Variants in PTPN20 observed in about 807,000 individuals in gnomAD.
PTPN20 encodes tyrosine-protein phosphatase non-receptor type 20.
In PTPN20, 9 loss-of-function variants were observed where a neutral mutation model predicts 35.0. The ratio of observed to expected loss-of-function variants is 0.26; its 90% CI spans 0.15 to 0.45. The LOEUF (loss-of-function observed/expected upper bound fraction) is 0.45, where lower values mean the gene tolerates loss of function less well. Among genes scored for constraint, PTPN20 ranks in the 20% least tolerant of loss-of-function variants. The pLI is 1.00. For missense variants in PTPN20, 111 were observed against 312.5 expected (o/e 0.36, Z 4.86); for synonymous variants, 32 against 100.2 (o/e 0.32, Z 4.06).
chr10:46,947,528 AT>A (rs2045300213), intron 5 of PTPN20, among the ~76,000 whole-genome samples: 4 of 150,444 alleles, frequency 2.7e-5, no homozygotes, highest in African/African-American at 9.8e-5. Flanking sequence ...ATACAGTAAA[AT>A]TCACCCTTTT....
intron 9 of PTPN20, among the ~76,000 whole-genome samples, chr10:46,989,024 G>A (rs1394539977): frequency 8.1e-6 from 1 of 123,194 alleles, no homozygotes; most frequent in Non-Finnish European, 1.7e-5. Flanking sequence ...AGTTTTGGGG[G>A]ATATATATAT....
chr10:46,959,038 T>C (rs1217993787), intron 5 of PTPN20, among the ~76,000 whole-genome samples: 1 of 145,436 alleles, frequency 6.9e-6, no homozygotes, highest in Non-Finnish European at 1.5e-5. Context: ...ACTTTGTTTA[T>C]TATATTGTTC....
intron 4 of PTPN20, among the ~76,000 whole-genome samples, chr10:46,945,768 CAA>C (rs1363793753): frequency 3.4e-5 from 5 of 149,246 alleles, no homozygotes; most frequent in Non-Finnish European, 3.0e-5. Context: ...GCAAAGGAAA[CAA>C]AGTGGGTATG....
In PTPN20 at chr10:46,948,957, G is replaced by A. The variant is rs1463352237; in HGVS notation, c.340+2282G>A. Among the ~76,000 whole-genome samples, 8 of 150,110 alleles carry A rather than the reference G, an allele frequency of 5.3e-5. No individual in the cohort carries two copies. In the East Asian group the frequency reaches 1.2e-3, roughly 22 times the overall value. On this transcript the variant is annotated intron_variant, in intron 5 of 10. Coordinates refer to ENST00000374339, the MANE Select transcript of PTPN20 (RefSeq NM_001042357.5). Reference sequence around the variant, plus strand: ...CACTTAGTGTAGTGGTAGGAGTTTTGTAATAATAATGGCATTAAATCCTGG... The same window carrying A: ...CACTTAGTGTAGTGGTAGGAGTTTTATAATAATAATGGCATTAAATCCTGG...
At chr10:46,941,986 A>C (rs2043675162) in intron 3 of PTPN20, among the ~76,000 whole-genome samples, 1 of 54,806 alleles carries the variant, frequency 1.8e-5, no homozygotes, top group Non-Finnish European at 3.2e-5. Flanking sequence ...AGCATAAAGA[A>C]ATTTTTTTTT....
In PTPN20 at chr10:47,000,666, A is replaced by G. The variant is rs2059938205; in HGVS notation, c.1198-10A>G. 4.3e-6 allele frequency: 7 copies of G among 1,613,066 alleles called. No individual in the cohort carries two copies. The highest frequency in any genetic ancestry group is 1.3e-5 in the African/African-American group (1 of 74,976). On this transcript the variant is annotated splice_polypyrimidine_tract_variant and intron_variant, in intron 10 of 10. Coordinates refer to ENST00000374339, the MANE Select transcript of PTPN20 (RefSeq NM_001042357.5). ...TAACATTCTGTTGTTTTTTATATAT[A>G]TGTATATAGGAGCAGTATCACTTTT...
chr10:46,985,265 A>G (rs2056669367), intron 8 of PTPN20, among the ~76,000 whole-genome samples: 1 of 150,216 alleles, frequency 6.7e-6, no homozygotes, highest in South Asian at 2.1e-4. Context: ...TCAGCTAAGT[A>G]GCATGAACTT....
intron 7 of PTPN20, among the ~76,000 whole-genome samples, chr10:46,976,529 T>G (rs1448992187): frequency 8.7e-5 from 9 of 102,900 alleles, no homozygotes; most frequent in African/African-American, 2.9e-4. Context: ...CTTCCAGTGT[T>G]TTAGATGAGA....
intron 5 of PTPN20, among the ~76,000 whole-genome samples, chr10:46,950,812 T>C (rs1159178059): frequency 1.3e-5 from 2 of 152,082 alleles, no homozygotes; most frequent in African/African-American, 4.8e-5. Context: ...ACAGATTTTC[T>C]GTTTAAAGTT....
chr10:46,960,482 T>C (rs2049651354), intron 5 of PTPN20, among the ~76,000 whole-genome samples: 2 of 149,774 alleles, frequency 1.3e-5, no homozygotes, highest in South Asian at 4.4e-4. Flanking sequence ...TTTTTTTTAC[T>C]TTAAGCATTT....
At chr10:46,972,331 G>A (rs2052448412) in intron 7 of PTPN20, among the ~76,000 whole-genome samples, 1 of 152,072 alleles carries the variant, frequency 6.6e-6, no homozygotes, top group Non-Finnish European at 1.5e-5. Flanking sequence ...TGCATGAAAT[G>A]ATATTCACCA....
intron 5 of PTPN20, among the ~76,000 whole-genome samples, chr10:46,950,621 A>G (rs2046354001): frequency 6.6e-6 from 1 of 152,080 alleles, no homozygotes; most frequent in Non-Finnish European, 1.5e-5. Context: ...ATTTAATAAA[A>G]TATTTTAAAA....
At chr10:46,998,843 C>A (rs1555183354) in intron 9 of PTPN20, among the ~76,000 whole-genome samples, 1 of 152,044 alleles carries the variant, frequency 6.6e-6, no homozygotes, top group African/African-American at 2.4e-5. Context: ...TTTTTTATGG[C>A]AGATATGGTG....
intron 9 of PTPN20, among the ~76,000 whole-genome samples, chr10:46,998,705 C>T (rs2059578118): frequency 6.6e-6 from 1 of 152,094 alleles, no homozygotes; most frequent in African/African-American, 2.4e-5. Flanking sequence ...GTGGATTGTC[C>T]CAATGTCAGT....
intron 6 of PTPN20, among the ~76,000 whole-genome samples, chr10:46,967,490 G>A (rs1226748160): frequency 1.1e-3 from 133 of 125,492 alleles, no homozygotes; most frequent in Non-Finnish European, 1.9e-3. Context: ...TTTTTGAAAG[G>A]AAGGATTCTT....
At chr10:46,953,363 CT>C (rs1430506983) in intron 5 of PTPN20, among the ~76,000 whole-genome samples, 1 of 138,628 alleles carries the variant, frequency 7.2e-6, no homozygotes, top group Non-Finnish European at 1.5e-5. Flanking sequence ...TTCTTTCTTT[CT>C]TTCTTTCTTT....
intron 7 of PTPN20, among the ~76,000 whole-genome samples, chr10:46,983,065 C>CTTTTTTT (rs74898545): frequency 3.1e-4 from 32 of 101,904 alleles, no homozygotes; most frequent in Non-Finnish European, 4.8e-4. Flanking sequence ...ATATATCTAG[C>CTTTTTTT]TTTTTTTTTT....
chr10:46,926,115 G>C (rs1362127446), intron 1 of PTPN20: 3 of 985,408 alleles, frequency 3.0e-6, no homozygotes, highest in Non-Finnish European at 3.6e-6. Flanking sequence ...TGGAAGGAAA[G>C]TATGAGTCTC....
intron 9 of PTPN20, among the ~76,000 whole-genome samples, chr10:46,998,928 T>C (rs1326529031): frequency 7.6e-6 from 1 of 130,886 alleles, no homozygotes; most frequent in Non-Finnish European, 1.6e-5. Flanking sequence ...GAAACCAGCC[T>C]GGGTAACAAA....
Sources: gnomAD v4.1 joint callset for allele counts (sites outside exome capture counted in the v4.1 genomes callset) on GRCh38, gnomAD v4.1.1 for gene constraint, MANE v1.5 for transcripts, NCBI Gene and HGNC (gene_info 2026-07-23, HGNC 2026-07-21) for gene names.